KCNB2: variants seen among roughly 807,000 people sequenced by gnomAD.
KCNB2 encodes potassium voltage-gated channel subfamily B member 2.
KCNB2 carries 15 observed loss-of-function variants against 61.5 expected under a neutral mutation model. The ratio of observed to expected loss-of-function variants is 0.24; its 90% CI spans 0.16 to 0.38. The LOEUF (loss-of-function observed/expected upper bound fraction) is 0.38, where lower values mean the gene tolerates loss of function less well. KCNB2 is among the 10% of genes least tolerant of loss of function. The pLI is 1.00. For synonymous variants in KCNB2, 457 were observed against 446.0 expected, an observed-to-expected ratio of 1.02 and a Z score of -0.31; for missense variants, 828 against 1,125.2, an observed-to-expected ratio of 0.74 and a Z score of 3.78.
At chr8:72,663,312 A>C (rs1436513850) in intron 2 of KCNB2, among the ~76,000 whole-genome samples, 1 of 152,186 alleles carries the variant, frequency 6.6e-6, no homozygotes, top group Non-Finnish European at 1.5e-5. Context: ...GCTTTGGTTG[A>C]ATATGGAATA....
intron 2 of KCNB2, among the ~76,000 whole-genome samples, chr8:72,816,957 T>G (rs1384926778): frequency 6.6e-6 from 1 of 152,156 alleles, no homozygotes; most frequent in African/African-American, 2.4e-5. Flanking sequence ...GTGGGGAGTT[T>G]TTCTACTCCC....
chr8:72,759,517 A>G (rs753007649), intron 2 of KCNB2, among the ~76,000 whole-genome samples: 3 of 152,160 alleles, frequency 2.0e-5, no homozygotes, highest in South Asian at 4.1e-4. Context: ...ACCCAAAATT[A>G]TGCAACCACA....
intron 2 of KCNB2, among the ~76,000 whole-genome samples, chr8:72,622,502 C>T (rs186005459): frequency 1.2e-4 from 19 of 152,290 alleles, no homozygotes; most frequent in Admixed American, 1.2e-3. Flanking sequence ...CTTCGTACAG[C>T]TGCACAGTGA....
chr8:72,675,826 A>C (rs1806644609), intron 2 of KCNB2, among the ~76,000 whole-genome samples: 1 of 152,164 alleles, frequency 6.6e-6, no homozygotes, highest in Admixed American at 6.5e-5. Context: ...TGCTGGGATT[A>C]CAGGCATGAG....
intron 1 of KCNB2, among the ~76,000 whole-genome samples, chr8:72,550,622 G>A (rs578224281): frequency 2.6e-4 from 40 of 152,320 alleles, no homozygotes; most frequent in African/African-American, 9.1e-4. Flanking sequence ...GATAAATTCT[G>A]TGCTCTGCTT....
At chr8:72,868,502 A>C (rs1249445159) in intron 2 of KCNB2, among the ~76,000 whole-genome samples, 1 of 151,676 alleles carries the variant, frequency 6.6e-6, no homozygotes, top group Non-Finnish European at 1.5e-5. Context: ...CGCTTGAACC[A>C]GGGAAGTAGA....
intron 2 of KCNB2, among the ~76,000 whole-genome samples, chr8:72,666,984 A>AGTGTGTGTGT (rs142689703): frequency 4.0e-5 from 6 of 148,706 alleles, no homozygotes; most frequent in East Asian, 2.0e-4. Flanking sequence ...TTTCCACATA[A>AGTGTGTGTGT]GTGTGTGTGT....
chr8:72,711,799 C>T (rs1293746338), intron 2 of KCNB2, among the ~76,000 whole-genome samples: 1 of 152,110 alleles, frequency 6.6e-6, no homozygotes, highest in African/African-American at 2.4e-5. Context: ...ACCAGCCTGA[C>T]CAACATGATG....
At chr8:72,561,723 A>ATATATATGTG (rs1806522956) in intron 1 of KCNB2, among the ~76,000 whole-genome samples, 10 of 31,770 alleles carry the variant, frequency 3.1e-4, no homozygotes, top group African/African-American at 2.3e-3. Flanking sequence ...ATATATATAT[A>ATATATATGTG]TATATCTATA....
At chr8:72,868,291 C>T (rs951464716) in intron 2 of KCNB2, among the ~76,000 whole-genome samples, 2 of 151,284 alleles carry the variant, frequency 1.3e-5, no homozygotes, top group Non-Finnish European at 3.0e-5. Flanking sequence ...ATAAGGACCC[C>T]GTTACTGGCC....
At chr8:72,904,873 C>A (rs1334682433) in intron 2 of KCNB2, among the ~76,000 whole-genome samples, 1 of 152,046 alleles carries the variant, frequency 6.6e-6, no homozygotes, top group Non-Finnish European at 1.5e-5. Flanking sequence ...TTCTTCCCTC[C>A]ATCCTTTGCA....
In KCNB2 at chr8:72,914,928, A is replaced by G. The variant is rs1416134661; in HGVS notation, c.580-21007A>G. Among the ~76,000 whole-genome samples, 2 of 149,288 alleles carry G rather than the reference A, an allele frequency of 1.3e-5. 1 individual carries two copies. The stretch of plus-strand genomic sequence containing the variant: ...CTTCTTTTTTTTTTTTTTTTGAGAC[A>G]GAGTCTCATTCTGTCGTCCAGGCTG... On this transcript the variant is annotated intron_variant, in intron 2 of 2. Coordinates refer to ENST00000523207, the MANE Select transcript of KCNB2 (RefSeq NM_004770.3).
At chr8:72,627,978 G>A (rs56325859) in intron 2 of KCNB2, among the ~76,000 whole-genome samples, 1 of 151,828 alleles carries the variant, frequency 6.6e-6, no homozygotes. Context: ...CTTTGAGACA[G>A]AGTCTTGCTC....
intron 2 of KCNB2, among the ~76,000 whole-genome samples, chr8:72,851,445 T>C (rs1810105623): frequency 6.6e-6 from 1 of 152,188 alleles, no homozygotes; most frequent in African/African-American, 2.4e-5. Context: ...CAAAATGAAT[T>C]TTGATGTGGA....
intron 2 of KCNB2, among the ~76,000 whole-genome samples, chr8:72,853,591 G>A (rs538324154): frequency 6.6e-6 from 1 of 152,282 alleles, no homozygotes; most frequent in Admixed American, 6.5e-5. Flanking sequence ...TAAAATAAGA[G>A]TAATCACTGA....
intron 2 of KCNB2, among the ~76,000 whole-genome samples, chr8:72,828,733 C>T (rs757216872): frequency 1.3e-5 from 2 of 152,152 alleles, no homozygotes; most frequent in Non-Finnish European, 2.9e-5. Context: ...GCTATAATCA[C>T]GCGTTCTTTA....
intron 2 of KCNB2, among the ~76,000 whole-genome samples, chr8:72,663,906 G>A (rs757226519): frequency 2.0e-4 from 30 of 152,172 alleles, no homozygotes; most frequent in Non-Finnish European, 4.1e-4. Flanking sequence ...CTGTTTGTTA[G>A]TGTAACATCA....
intron 2 of KCNB2, among the ~76,000 whole-genome samples, chr8:72,617,186 T>C (rs1380757503): frequency 6.6e-6 from 1 of 152,174 alleles, no homozygotes; most frequent in African/African-American, 2.4e-5. Flanking sequence ...GAGGTATCCT[T>C]ATGTCACCTT....
intron 2 of KCNB2, among the ~76,000 whole-genome samples, chr8:72,718,134 G>A (rs933279944): frequency 2.6e-5 from 4 of 152,114 alleles, no homozygotes; most frequent in Admixed American, 6.5e-5. Context: ...ACACCAGTTA[G>A]AATGGCAATC....
Sources: allele counts gnomAD v4.1 joint callset (sites outside exome capture counted in the v4.1 genomes callset), GRCh38; gene constraint gnomAD v4.1.1; transcripts MANE v1.5; gene names NCBI Gene and HGNC (gene_info 2026-07-23, HGNC 2026-07-21).